Variants in FERRY3 observed in about 807,000 individuals in gnomAD.
FERRY3 encodes the protein FERRY endosomal RAB5 effector complex subunit 3.
chr12:4,495,227 T>C, the FERRY3 span, among the ~76,000 whole-genome samples: 1 of 152,210 alleles, frequency 6.6e-6, no homozygotes, highest in Non-Finnish European at 1.5e-5. Flanking sequence ...TTAAACATTT[T>C]ATTCAAGAAC....
chr12:4,507,114 ATATACT>A, the FERRY3 span, among the ~76,000 whole-genome samples: 1 of 152,118 alleles, frequency 6.6e-6, no homozygotes, highest in Non-Finnish European at 1.5e-5. Context: ...TCTCTCATAA[ATATACT>A]TAGAATCCTC....
the FERRY3 span, among the ~76,000 whole-genome samples, chr12:4,538,143 G>T: frequency 6.6e-6 from 1 of 152,054 alleles, no homozygotes; most frequent in African/African-American, 2.4e-5. Context: ...TTCTCCTCTC[G>T]CTCTTTTTTT....
At chr12:4,510,808 C>T in the FERRY3 span, among the ~76,000 whole-genome samples, 1 of 148,036 alleles carries the variant, frequency 6.8e-6, no homozygotes, top group Admixed American at 6.7e-5. Context: ...AATGTAAAGA[C>T]CATCAAGACT....
At chr12:4,527,922 A>AG in the FERRY3 span, among the ~76,000 whole-genome samples, 2 of 152,144 alleles carry the variant, frequency 1.3e-5, no homozygotes, top group African/African-American at 4.8e-5. Flanking sequence ...GAAAAAAAAA[A>AG]GTATGAATAC....
At chr12:4,517,336 T>C in the FERRY3 span, 1 of 914,878 alleles carries the variant, frequency 1.1e-6, no homozygotes, top group Non-Finnish European at 1.5e-6. Flanking sequence ...TAATTATGCC[T>C]TAAGTTAGGG....
At chr12:4,489,702 C>T in the FERRY3 span, 1 of 793,458 alleles carries the variant, frequency 1.3e-6, no homozygotes. Context: ...GATTGAGCTG[C>T]AAGTTCTCTT....
the FERRY3 span, among the ~76,000 whole-genome samples, chr12:4,519,421 T>G: frequency 6.6e-6 from 1 of 152,228 alleles, no homozygotes; most frequent in East Asian, 1.9e-4. This position sits in a 1 kb window ranked among gnomAD's most constrained non-coding sequence, Gnocchi z 4.3. Flanking sequence ...ACTGCCTTTC[T>G]TTTTGCTCTC....
chr12:4,505,482 A>T, the FERRY3 span: 1 of 767,858 alleles, frequency 1.3e-6, no homozygotes, highest in Non-Finnish European at 2.2e-6. Context: ...AAATTCACTA[A>T]GGGCATCTAT....
chr12:4,533,630 CAG>C, the FERRY3 span, among the ~76,000 whole-genome samples: 3 of 152,032 alleles, frequency 2.0e-5, no homozygotes, highest in African/African-American at 2.4e-5. Flanking sequence ...CTTTATGAAA[CAG>C]GGTATATTAT....
the FERRY3 span, among the ~76,000 whole-genome samples, chr12:4,499,229 GTCTTGAAC>G: frequency 6.6e-6 from 1 of 152,136 alleles, no homozygotes; most frequent in Non-Finnish European, 1.5e-5. Context: ...GCTCAGGCTG[GTCTTGAAC>G]TCTGGGCTAA....
the FERRY3 span, chr12:4,491,093 C>T: frequency 6.6e-5 from 83 of 1,261,062 alleles, no homozygotes; most frequent in East Asian, 1.9e-3. Context: ...GGGTATCTTT[C>T]ACATTCTCTC....
the FERRY3 span, among the ~76,000 whole-genome samples, chr12:4,517,901 TTGAAA>T: frequency 6.6e-6 from 1 of 151,958 alleles, no homozygotes; most frequent in African/African-American, 2.4e-5. Flanking sequence ...ATGCTACAGT[TTGAAA>T]TAAAATAACT....
chr12:4,514,220 G>GCAAT, the FERRY3 span, among the ~76,000 whole-genome samples: 1 of 149,972 alleles, frequency 6.7e-6, no homozygotes, highest in Non-Finnish European at 1.5e-5. Context: ...AGTTAAAATG[G>GCAAT]CAATCATTAA....
chr12:4,532,478 A>G, the FERRY3 span, among the ~76,000 whole-genome samples: 1 of 152,210 alleles, frequency 6.6e-6, no homozygotes, highest in East Asian at 1.9e-4. Context: ...TGTCTTGGTA[A>G]ATTCTTTTAC....
chr12:4,490,120 G>A, the FERRY3 span, among the ~76,000 whole-genome samples: 6 of 152,000 alleles, frequency 3.9e-5, no homozygotes, highest in South Asian at 2.1e-4. Flanking sequence ...CAAATAATAC[G>A]TTTGAGTAAT....
chr12:4,524,345 G>A, the FERRY3 span, among the ~76,000 whole-genome samples: 1 of 152,012 alleles, frequency 6.6e-6, no homozygotes, highest in South Asian at 2.1e-4. Flanking sequence ...AAACAGTAAG[G>A]CAAATGAAAA....
At chr12:4,510,934 C>T in the FERRY3 span, among the ~76,000 whole-genome samples, 1 of 152,228 alleles carries the variant, frequency 6.6e-6, no homozygotes, top group South Asian at 2.1e-4. Context: ...AATTAAAAGA[C>T]ACAGACTGGC....
the FERRY3 span, among the ~76,000 whole-genome samples, chr12:4,490,249 A>G: frequency 6.6e-6 from 1 of 152,196 alleles, no homozygotes; most frequent in Non-Finnish European, 1.5e-5. Flanking sequence ...ACCCTTTATA[A>G]TCTATATAAT....
At chr12:4,489,052 G>A in the FERRY3 span, 1 of 152,626 alleles carries the variant, frequency 6.6e-6, no homozygotes, top group Non-Finnish European at 1.5e-5. Flanking sequence ...TCTTCCTTGT[G>A]TGATTGTCAC....
Sources: gnomAD v4.1 joint callset for allele counts (sites outside exome capture counted in the v4.1 genomes callset) on GRCh38, gnomAD v4.1.1 for gene constraint, Gnocchi (gnomAD v3.1) non-coding constraint, MANE v1.5 for transcripts, NCBI Gene and HGNC (gene_info 2026-07-23, HGNC 2026-07-21) for gene names.